STARD7: variants seen among roughly 807,000 people sequenced by gnomAD.
The protein encoded by STARD7 is stAR-related lipid transfer protein 7, mitochondrial.
STARD7 carries 30 observed loss-of-function variants against 45.3 expected under a neutral mutation model. The ratio of observed to expected loss-of-function variants is 0.66; its 90% CI spans 0.50 to 0.90. The LOEUF is 0.90. STARD7 is among the 40% of genes least tolerant of loss of function. STARD7 has a pLI of 0.00. For synonymous variants in STARD7, 199 were observed against 183.0 expected (o/e 1.09, Z -0.70); for missense variants, 495 against 491.3 (o/e 1.01, Z -0.07).
At chr2:96,201,119 A>G (rs753368713) in intron 1 of STARD7, among the ~76,000 whole-genome samples, 2 of 152,204 alleles carry the variant, frequency 1.3e-5, no homozygotes, top group Non-Finnish European at 2.9e-5. Context: ...ATTCCTTAAT[A>G]GCCCAGAATC....
rs773182899 is a variant in STARD7, at chr2:96,208,322, G to A, written c.113C>T (p.Ala38Val). 4.4e-6 allele frequency: 7 copies of A among 1,605,642 alleles called. No homozygotes were observed. Among genetic ancestry groups the A allele is most frequent in the Non-Finnish European group, 5.9e-6 (7 of 1,178,084 alleles). Reference protein sequence around the residue: ...RFVTGLRVRRAQQIAQLYGRL... With the variant: ...RFVTGLRVRRVQQIAQLYGRL... The stretch of plus-strand genomic sequence containing the variant: ...GCCGTAGAGCTGCGCGATCTGCTGC[G>A]CGCGCCGCACGCGCAGGCCCGTGAC... The change falls in exon 1 of 8, where the codon GCG becomes GTG. Residue 38 changes from alanine (A) to valine (V), a missense_variant. This residue lies in a region of STARD7 where 282 missense variants were observed against 220.1 expected (regional missense o/e 1.28). Transcript: ENST00000337288.
chr2:96,193,640 T>C (rs1683160319), intron 3 of STARD7, among the ~76,000 whole-genome samples: 1 of 152,232 alleles, frequency 6.6e-6, no homozygotes, highest in Admixed American at 6.5e-5. Flanking sequence ...GGGAAAATAA[T>C]ATATAGTGAT....
intron 6 of STARD7, among the ~76,000 whole-genome samples, chr2:96,191,897 A>T (rs1174238594): frequency 6.6e-6 from 1 of 152,156 alleles, no homozygotes; most frequent in Non-Finnish European, 1.5e-5. Flanking sequence ...TAAACACAAA[A>T]CACCTCATTA....
In STARD7 at chr2:96,186,668, CAG is replaced by C. The variant is rs1683041750; in HGVS notation, c.*60_*61del. 7.5e-7 allele frequency: 1 copy of C among 1,341,700 alleles called. No individual in the cohort carries two copies. The highest frequency in any genetic ancestry group is 1.5e-5 in the African/African-American group (1 of 68,238). The allele number at this position is 1,341,700 out of a possible 1,614,324, so 83.1% of individuals were successfully genotyped here. Reference sequence around the variant, plus strand: ...CATGTGGCATGTCCCCCTTCTACAGCAGAGTGATAACGGACTGAGACAGGGCT... The same window carrying C: ...CATGTGGCATGTCCCCCTTCTACAGCAGTGATAACGGACTGAGACAGGGCT... On this transcript the variant is annotated 3_prime_UTR_variant, in exon 8 of 8. Coordinates refer to ENST00000337288, the MANE Select transcript of STARD7 (RefSeq NM_020151.4).
At chr2:96,205,540 A>T (rs1245527706) in intron 1 of STARD7, among the ~76,000 whole-genome samples, 1 of 152,196 alleles carries the variant, frequency 6.6e-6, no homozygotes, top group African/African-American at 2.4e-5. Context: ...CAATGAAAGA[A>T]ATGCACTTGA....
chr2:96,208,348 G>A lies in STARD7; in HGVS notation c.87C>T (p.Phe29=), dbSNP rs1412178891. 1.3e-6 allele frequency: 2 copies of A among 1,592,026 alleles called. No homozygotes were observed. The highest frequency in any genetic ancestry group is 2.3e-5 in the East Asian group (1 of 43,518). The change falls in exon 1 of 8, where the codon TTC becomes TTT. Residue 29 remains phenylalanine, a synonymous_variant. Transcript: ENST00000337288. The part of the protein sequence containing the change: ...LLALLANQCR[F]VTGLRVRRAQ... ...CGCGCCGCACGCGCAGGCCCGTGAC[G>A]AAGCGGCACTGATTGGCCAGAAGCG... is the stretch of plus-strand genomic sequence containing the variant.
chr2:96,205,979 G>C (rs942966540), intron 1 of STARD7, among the ~76,000 whole-genome samples: 2 of 152,176 alleles, frequency 1.3e-5, no homozygotes, highest in African/African-American at 4.8e-5. Context: ...AGTGCAGCTT[G>C]AAAGTGTTCT....
At chr2:96,203,843 G>A (rs1683344277) in intron 1 of STARD7, among the ~76,000 whole-genome samples, 1 of 152,006 alleles carries the variant, frequency 6.6e-6, no homozygotes, top group Admixed American at 6.6e-5. Flanking sequence ...GGGCATGCCT[G>A]TAGTCCCAGC....
At position 96,186,855 on chromosome 2, in the gene STARD7, T is replaced by C. The variant is rs1266770379; in HGVS notation, c.988A>G (p.Ile330Val). 4.3e-6 allele frequency: 7 copies of C among 1,613,814 alleles called. No homozygotes were observed. Among genetic ancestry groups the C allele is most frequent in the Non-Finnish European group, 5.9e-6 (7 of 1,179,870 alleles). Residue 330 changes from isoleucine (I) to valine (V), a missense_variant, in exon 8 of 8, where the codon ATT becomes GTT. This residue lies in a region of STARD7 where 213 missense variants were observed against 271.2 expected (regional missense o/e 0.79). Coordinates refer to ENST00000337288, the MANE Select transcript of STARD7 (RefSeq NM_020151.4). ...GCTGAGATGTAGTCCTTTACTTTAA[T>C]CTCCATATTCTTGGCTTTCAGAGTG... ...MATLKAKNMEIKVKDYISAKP... is the reference protein window; with the variant it reads ...MATLKAKNMEVKVKDYISAKP...
At chr2:96,206,800 CAA>C (rs61417989) in intron 1 of STARD7, among the ~76,000 whole-genome samples, 3 of 49,484 alleles carry the variant, frequency 6.1e-5, no homozygotes, top group East Asian at 5.3e-4. Flanking sequence ...GACTCCGTCT[CAA>C]AAAAAAAAAA....
At chr2:96,208,107 C>A (rs763589823) in intron 1 of STARD7, 38 bp downstream of exon 1, 18 of 1,497,406 alleles carry the variant, frequency 1.2e-5, no homozygotes, top group South Asian at 2.7e-5. Flanking sequence ...CAAGCCCCCC[C>A]ACCCCACGGC....
chr2:96,189,815 A>C (rs1683098612), intron 6 of STARD7, among the ~76,000 whole-genome samples: 1 of 152,070 alleles, frequency 6.6e-6, no homozygotes, highest in South Asian at 2.1e-4. Context: ...CTGTATTGTT[A>C]TTCTGAGGCT....
At position 96,186,499 on chromosome 2, in the gene STARD7, A is replaced by G; in HGVS notation, c.*231T>C. ...TAGCTCAGTGAGATACCGAATTTCA[A>G]AACAGTTGGCCTGAGAATATGACAA... On this transcript the variant is annotated 3_prime_UTR_variant, in exon 8 of 8. Transcript: ENST00000337288. The G allele has an allele frequency of 2.5e-6, 1 of 399,786 alleles. No homozygotes were observed. Among genetic ancestry groups the G allele is most frequent in the Admixed American group, 4.4e-5 (1 of 22,536 alleles). The allele number at this position is 399,786 out of a possible 1,614,324, so 24.8% of individuals were successfully genotyped here. A position where few individuals can be genotyped will look rare whatever the true frequency, so the allele number is the denominator to read the frequency against.
intron 1 of STARD7, among the ~76,000 whole-genome samples, chr2:96,196,428 C>A (rs1473848916): frequency 6.6e-6 from 1 of 152,146 alleles, no homozygotes; most frequent in African/African-American, 2.4e-5. Context: ...CCACTGTACT[C>A]CAGTCTGGGC....
chr2:96,193,276 C>T lies in STARD7; in HGVS notation c.626G>A (p.Gly209Asp), dbSNP rs1296893030. 1.9e-6 allele frequency: 3 copies of T among 1,613,888 alleles called. No individual in the cohort carries two copies. The highest frequency in any genetic ancestry group is 1.7e-6 in the Non-Finnish European group (2 of 1,179,796). The change falls in exon 4 of 8, where the codon GGT becomes GAT. Residue 209 changes from glycine to aspartate, a missense_variant. This residue lies in a region of STARD7 where 213 missense variants were observed against 271.2 expected (regional missense o/e 0.79). Transcript: ENST00000337288. ...LEVIERDVVS[G>D]SEVLHWVTHF... ...GGTTACCCAGTGAAGAACCTCGGAA[C>T]CACTAACCACATCCCTCTCAATCAC... is the stretch of plus-strand genomic sequence containing the variant.
intron 1 of STARD7, among the ~76,000 whole-genome samples, chr2:96,207,286 C>T (rs1401365649): frequency 1.3e-5 from 2 of 152,118 alleles, no homozygotes; most frequent in Non-Finnish European, 2.9e-5. Flanking sequence ...AATAAACAGG[C>T]GAGTGTGGAA....
At chr2:96,193,050 G>C (rs756327743) in intron 5 of STARD7, 28 bp downstream of exon 5, 1 of 1,567,872 alleles carries the variant, frequency 6.4e-7, no homozygotes, top group African/African-American at 1.4e-5. Context: ...AAAGGAACTC[G>C]GCAACAGCCA....
At chr2:96,193,696 A>G (rs1316993676) in intron 3 of STARD7, among the ~76,000 whole-genome samples, 1 of 152,260 alleles carries the variant, frequency 6.6e-6, no homozygotes, top group African/African-American at 2.4e-5. Flanking sequence ...TTAAACAACA[A>G]AAAGTCCAAA....
chr2:96,193,123 C>T lies in STARD7; in HGVS notation c.698G>A (p.Arg233Gln), dbSNP rs1211771618. ...MYSRDYVYVR[R>Q]YSVDQENNMM... ...GTTGTTTTCCTGATCCACACTATAC[C>T]GCCGAACATAAACATAATCCCGTGA... Residue 233 changes from arginine to glutamine, a missense_variant, in exon 5 of 8, where the codon CGG (arginine) becomes CAG (glutamine). Arg to Gln is a conservative substitution (Grantham distance 43). Around this residue, in one of 2 missense-constraint regions of STARD7, gnomAD observed 213 missense variants for 271.2 expected, o/e 0.79. Transcript: ENST00000337288. 3.7e-6 allele frequency: 6 copies of T among 1,613,574 alleles called. No individual in the cohort carries two copies. The Admixed American group carries it at 5.0e-5, about 13-fold the overall frequency.
Sources: allele counts gnomAD v4.1 joint callset (sites outside exome capture counted in the v4.1 genomes callset), GRCh38; gene constraint gnomAD v4.1.1; regional missense constraint gnomAD v4.1.1; transcripts MANE v1.5; gene names NCBI Gene and HGNC (gene_info 2026-07-23, HGNC 2026-07-21).